Variants in ATRNL1 observed in about 807,000 individuals in gnomAD.
ATRNL1 encodes the protein attractin-like protein 1.
In ATRNL1, 95 loss-of-function variants were observed where a neutral mutation model predicts 182.7. The ratio of observed to expected loss-of-function variants is 0.52; its 90% CI spans 0.44 to 0.62. The LOEUF is 0.62. ATRNL1 is among the 20% of genes least tolerant of loss of function. The pLI is 0.00. For synonymous variants in ATRNL1, 576 were observed against 568.3 expected (o/e 1.01, Z -0.19); for missense variants, 1,471 against 1,679.5 (o/e 0.88, Z 2.17).
At chr10:115,443,136 T>C (rs1846780480) in intron 21 of ATRNL1, among the ~76,000 whole-genome samples, 1 of 152,074 alleles carries the variant, frequency 6.6e-6, no homozygotes, top group Admixed American at 6.6e-5. Context: ...AAAACCTCTA[T>C]TGATGTAAAA....
chr10:115,273,579 A>AT lies in ATRNL1; in HGVS notation c.2100+5139dup, dbSNP rs34664172. Among the ~76,000 whole-genome samples the AT allele has an allele frequency of 3.9e-3, 588 of 152,284 alleles. 1 individual carries two copies. The highest frequency in any genetic ancestry group is 0.014 in the African/African-American group (569 of 41,564). ...AATAAACATTGAGAAGCACTGTTTG[A>AT]TTTTGCCCACTGGAAAGATTTCCTT... On this transcript the variant is annotated intron_variant, in intron 13 of 28. Transcript: ENST00000355044.
intron 15 of ATRNL1, among the ~76,000 whole-genome samples, chr10:115,298,955 A>G (rs1554923543): frequency 1.3e-5 from 2 of 152,080 alleles, no homozygotes; most frequent in African/African-American, 2.4e-5. Flanking sequence ...AGGTGTGGCT[A>G]TCTTTTAAGA....
At chr10:115,931,408 A>G (rs1953390223) in intron 28 of ATRNL1, among the ~76,000 whole-genome samples, 1 of 152,196 alleles carries the variant, frequency 6.6e-6, no homozygotes. Context: ...TTAAAAATAA[A>G]ATGATTACTC....
chr10:115,590,531 G>A (rs1233746951), intron 26 of ATRNL1, among the ~76,000 whole-genome samples: 2 of 151,966 alleles, frequency 1.3e-5, no homozygotes, highest in Non-Finnish European at 1.5e-5. Flanking sequence ...GAAGGGAAGA[G>A]GAATATTTAT....
chr10:115,192,786 T>A (rs1592237944), intron 8 of ATRNL1, among the ~76,000 whole-genome samples: 1 of 152,090 alleles, frequency 6.6e-6, no homozygotes. Context: ...CTTTCACTTC[T>A]TTGGTTAAGT....
intron 9 of ATRNL1, among the ~76,000 whole-genome samples, chr10:115,237,345 A>T (rs1850229548): frequency 6.6e-6 from 1 of 152,148 alleles, no homozygotes. Flanking sequence ...ATCATTTTTC[A>T]TTCCCAGCAG....
intron 25 of ATRNL1, among the ~76,000 whole-genome samples, chr10:115,529,332 T>C (rs1399784186): frequency 2.0e-5 from 3 of 151,972 alleles, no homozygotes; most frequent in Non-Finnish European, 4.4e-5. Context: ...TTTTTGCATA[T>C]CTTTTAAAAT....
intron 19 of ATRNL1, among the ~76,000 whole-genome samples, chr10:115,352,954 T>TA (rs1205835026): frequency 6.6e-6 from 1 of 152,162 alleles, no homozygotes; most frequent in African/African-American, 2.4e-5. Context: ...TGACATGTAA[T>TA]ACTTTGTTGA....
intron 28 of ATRNL1, among the ~76,000 whole-genome samples, chr10:115,911,820 TC>T (rs1274513737): frequency 6.6e-6 from 1 of 152,120 alleles, no homozygotes; most frequent in Non-Finnish European, 1.5e-5. Context: ...ATAAATGAAC[TC>T]CACTTTCTCC....
chr10:115,173,715 T>C (rs1847382232), intron 8 of ATRNL1, among the ~76,000 whole-genome samples: 1 of 151,960 alleles, frequency 6.6e-6, no homozygotes, highest in African/African-American at 2.4e-5. Context: ...GTTTGTTTAA[T>C]GTTTTCTTGA....
At chr10:115,940,027 G>A (rs1953679551) in intron 28 of ATRNL1, among the ~76,000 whole-genome samples, 1 of 152,164 alleles carries the variant, frequency 6.6e-6, no homozygotes, top group African/African-American at 2.4e-5. Context: ...CCAAGCAAAT[G>A]AAAATAAGCA....
intron 22 of ATRNL1, among the ~76,000 whole-genome samples, chr10:115,462,389 A>G (rs1436158066): frequency 1.3e-5 from 2 of 152,084 alleles, no homozygotes; most frequent in Non-Finnish European, 1.5e-5. Context: ...CAAGGCGGGC[A>G]GATCATGATG....
chr10:115,577,610 T>TTGGTTGTG (rs1854799923), intron 26 of ATRNL1, among the ~76,000 whole-genome samples: 1 of 135,016 alleles, frequency 7.4e-6, no homozygotes, highest in Non-Finnish European at 1.6e-5. Context: ...TTCTAACAGG[T>TTGGTTGTG]TGTGTGTGTG....
chr10:115,414,612 C>G (rs1845299814), intron 20 of ATRNL1, among the ~76,000 whole-genome samples: 12 of 151,960 alleles, frequency 7.9e-5, no homozygotes, highest in Admixed American at 7.9e-4. Context: ...TCTCCCTCTT[C>G]CAGTAGGTAA....
chr10:115,161,717 A>C (rs1554883348), intron 6 of ATRNL1, among the ~76,000 whole-genome samples: 1 of 152,088 alleles, frequency 6.6e-6, no homozygotes, highest in East Asian at 1.9e-4. Flanking sequence ...AAATCTGAGT[A>C]TTTTGGTTAC....
At chr10:115,755,811 G>A (rs1565350569) in intron 27 of ATRNL1, among the ~76,000 whole-genome samples, 1 of 151,866 alleles carries the variant, frequency 6.6e-6, no homozygotes, top group Non-Finnish European at 1.5e-5. Flanking sequence ...GACGTTTTTT[G>A]GTTGGTAGGC....
intron 10 of ATRNL1, among the ~76,000 whole-genome samples, chr10:115,253,406 G>T (rs1368300835): frequency 6.6e-6 from 1 of 152,096 alleles, no homozygotes; most frequent in East Asian, 1.9e-4. Context: ...CAGGCAGTTT[G>T]TGAGGTAGCT....
At chr10:115,412,431 G>C (rs782319231) in intron 20 of ATRNL1, among the ~76,000 whole-genome samples, 5 of 152,164 alleles carry the variant, frequency 3.3e-5, no homozygotes, top group Non-Finnish European at 5.9e-5. Context: ...CTGAATCAGA[G>C]AACCTGGTTA....
intron 27 of ATRNL1, among the ~76,000 whole-genome samples, chr10:115,737,809 G>C (rs566832294): frequency 2.0e-5 from 3 of 152,080 alleles, no homozygotes; most frequent in East Asian, 1.9e-4. Context: ...GAGAGTCCAG[G>C]TATAGTCTTT....
Sources: allele counts gnomAD v4.1 joint callset (sites outside exome capture counted in the v4.1 genomes callset), GRCh38; gene constraint gnomAD v4.1.1; transcripts MANE v1.5; gene names NCBI Gene and HGNC (gene_info 2026-07-23, HGNC 2026-07-21).